The following SP140 variants were observed in gnomAD, a reference collection of about 807,000 sequenced individuals.
SP140 encodes the protein SP140 nuclear body protein.
SP140 carries 81 observed loss-of-function variants against 125.0 expected under a neutral mutation model. That is an observed-to-expected ratio of 0.65 (90% CI 0.54 to 0.78). The LOEUF (loss-of-function observed/expected upper bound fraction) is 0.78. Among genes scored for constraint, SP140 ranks in the 30% least tolerant of loss-of-function variants. SP140 has a pLI of 0.00. For synonymous variants in SP140, 312 were observed against 354.0 expected (o/e 0.88, Z 1.33); for missense variants, 858 against 1,037.0 (o/e 0.83, Z 2.37).
chr2:230,272,600 G>GGA (rs2054096192), intron 15 of SP140, among the ~76,000 whole-genome samples: 1 of 152,082 alleles, frequency 6.6e-6, no homozygotes, highest in South Asian at 2.1e-4. Context: ...CCATGATTGT[G>GGA]AGGCTTCCCC....
intron 10 of SP140, among the ~76,000 whole-genome samples, chr2:230,252,034 A>G (rs971160972): frequency 3.3e-5 from 5 of 152,124 alleles, no homozygotes; most frequent in African/African-American, 1.2e-4. Context: ...AAGGGTTTTT[A>G]GGAATCTGAG....
rs928883542 is a variant in SP140, at chr2:230,209,030, A to T, written c.-322-4624A>T. 3.9e-5 allele frequency among the ~76,000 whole-genome samples: 6 copies of T among 152,352 alleles called. No individual in the cohort carries two copies. In the South Asian group the frequency reaches 1.2e-3, roughly 32 times the overall value. The stretch of plus-strand genomic sequence containing the variant: ...AGGTTGAAGGACAACTTCAGAGGAA[A>T]CAACAAATAAATAAGCACAGAAAAA... On this transcript the variant is annotated intron_variant, in intron 1 of 4. Coordinates refer to the SP140 transcript ENST00000456542.
chr2:230,195,136 G>T, the SP140 span, among the ~76,000 whole-genome samples: 1 of 151,072 alleles, frequency 6.6e-6, no homozygotes, highest in Non-Finnish European at 1.5e-5. Context: ...CATCTTTTAT[G>T]GCTACAAATA....
In SP140 at chr2:230,297,405, T is replaced by C. The variant is rs1303811190; in HGVS notation, c.2017-16T>C. ...GCATTCAATATCATAAATCAATCTT[T>C]CTGTTTTTTCAACAGAGAATACTGA... is the stretch of plus-strand genomic sequence containing the variant. On this transcript the variant is annotated splice_polypyrimidine_tract_variant and intron_variant, in intron 21 of 26. Transcript: ENST00000392045. 3 of 1,613,066 alleles carry C rather than the reference T, an allele frequency of 1.9e-6. No homozygotes were observed. The highest frequency in any genetic ancestry group is 2.5e-6 in the Non-Finnish European group (3 of 1,179,106).
At chr2:230,315,603 G>A (rs540445458), downstream of SP140, among the ~76,000 whole-genome samples, 2 of 152,152 alleles carry the variant, frequency 1.3e-5, no homozygotes, top group East Asian at 3.9e-4. Context: ...TCCTTAACCT[G>A]GGCTTTCCTA....
At chr2:230,262,623 A>G (rs992269831) in intron 12 of SP140, among the ~76,000 whole-genome samples, 8 of 152,104 alleles carry the variant, frequency 5.3e-5, no homozygotes, top group African/African-American at 1.9e-4. Context: ...CCTTTGCTCT[A>G]TCCCAGAGGT....
intron 1 of SP140, chr2:230,213,020 A>C: frequency 6.2e-7 from 1 of 1,613,962 alleles, no homozygotes; most frequent in Non-Finnish European, 8.5e-7. Flanking sequence ...ATTCATAGGA[A>C]GCACCAACTG....
intron 21 of SP140, among the ~76,000 whole-genome samples, chr2:230,294,748 A>G (rs2057511284): frequency 6.6e-6 from 1 of 152,244 alleles, no homozygotes; most frequent in Non-Finnish European, 1.5e-5. Flanking sequence ...AATAGGATGG[A>G]GCAGATATTT....
intron 14 of SP140, 79 bp downstream of exon 14, chr2:230,270,032 C>T: frequency 1.1e-6 from 1 of 869,572 alleles, no homozygotes; most frequent in Admixed American, 2.0e-5. Flanking sequence ...GGTAGGTGCT[C>T]CAGTCTGTCC....
the SP140 span, among the ~76,000 whole-genome samples, chr2:230,195,820 A>G: frequency 1.3e-5 from 2 of 152,314 alleles, no homozygotes; most frequent in East Asian, 1.9e-4. Flanking sequence ...CAGTTCAAAA[A>G]ACACCCCGAC....
chr2:230,222,229 CAA>C (rs1204772131), upstream of SP140, among the ~76,000 whole-genome samples: 166 of 77,214 alleles, frequency 2.1e-3, no homozygotes, highest in African/African-American at 4.2e-3. Flanking sequence ...GATCCCGCCT[CAA>C]AAAAAAAAAA....
chr2:230,310,541 C>T (rs548230721), intron 23 of SP140, among the ~76,000 whole-genome samples: 4 of 152,186 alleles, frequency 2.6e-5, no homozygotes, highest in African/African-American at 9.6e-5. Context: ...CCTCAGACTT[C>T]CTGCCTGCTG....
At chr2:230,290,608 G>A (rs750516898) in intron 19 of SP140, 44 bp downstream of exon 19, 48 of 1,457,334 alleles carry the variant, frequency 3.3e-5, no homozygotes, top group Non-Finnish European at 4.0e-5. Flanking sequence ...CTATCTGAAG[G>A]CATCACAAGT....
At chr2:230,235,868 GTTTTTTTTTTTT>G (rs984054259) in intron 1 of SP140, among the ~76,000 whole-genome samples, 64 of 77,986 alleles carry the variant, frequency 8.2e-4, no homozygotes, top group Middle Eastern at 0.01. Context: ...TCTTGTGACT[GTTTTTTTTTTTT>G]TTTTTTTTTT....
the SP140 span, among the ~76,000 whole-genome samples, chr2:230,195,092 C>A: frequency 1.3e-5 from 2 of 151,156 alleles, no homozygotes; most frequent in Non-Finnish European, 2.9e-5. Context: ...TGGCCATATT[C>A]TTTTCTCCTT....
chr2:230,186,694 T>G, the SP140 span, among the ~76,000 whole-genome samples: 1 of 152,180 alleles, frequency 6.6e-6, no homozygotes, highest in Non-Finnish European at 1.5e-5. Context: ...ATCCGTTATA[T>G]CACTCTGTAT....
rs1463294054 is a variant in SP140, at chr2:230,229,861, C to CTT, written c.59+3960_59+3961dup. On this transcript the variant is annotated intron_variant, in intron 1 of 26. Coordinates refer to ENST00000392045, the MANE Select transcript of SP140 (RefSeq NM_007237.5). Reference sequence around the variant, plus strand: ...TCATCACTTTAAATATTTCTTTCCACTTTCTTTGCTTGCATGGTTTTTAAT... The same window carrying CTT: ...TCATCACTTTAAATATTTCTTTCCACTTTTTCTTTGCTTGCATGGTTTTTAAT... Among the ~76,000 whole-genome samples, 7 of 151,848 alleles carry CTT rather than the reference C, an allele frequency of 4.6e-5. No homozygotes were observed. The South Asian group carries it at 1.3e-3, about 27-fold the overall frequency.
intron 21 of SP140, among the ~76,000 whole-genome samples, chr2:230,297,189 C>A (rs1304931727): frequency 6.6e-6 from 1 of 152,118 alleles, no homozygotes; most frequent in East Asian, 1.9e-4. Context: ...ATGGCAGATT[C>A]TAGTTGGTAA....
chr2:230,221,350 A>G (rs1336907071), upstream of SP140, among the ~76,000 whole-genome samples: 1 of 152,048 alleles, frequency 6.6e-6, no homozygotes, highest in East Asian at 1.9e-4. Context: ...TATTTGACCC[A>G]CAAGTTCCCC....
Sources: gnomAD v4.1 joint callset for allele counts (sites outside exome capture counted in the v4.1 genomes callset) on GRCh38, gnomAD v4.1.1 for gene constraint, MANE v1.5 for transcripts, NCBI Gene and HGNC (gene_info 2026-07-23, HGNC 2026-07-21) for gene names.